The following GALNT18 variants were observed in gnomAD, a reference collection of about 807,000 sequenced individuals.
GALNT18 encodes the protein GalNAc-transferase 18.
In GALNT18, 44 loss-of-function variants were observed where a neutral mutation model predicts 69.5. That is an observed-to-expected ratio of 0.63 (90% CI 0.50 to 0.81). The LOEUF is 0.81. Among genes scored for constraint, GALNT18 ranks in the 40% least tolerant of loss-of-function variants. The pLI is 0.00. For synonymous variants in GALNT18, 364 were observed against 318.2 expected (o/e 1.14, Z -1.53); for missense variants, 715 against 810.0 (o/e 0.88, Z 1.42).
At chr11:11,298,907 G>A (rs1849445710) in intron 9 of GALNT18, among the ~76,000 whole-genome samples, 1 of 152,192 alleles carries the variant, frequency 6.6e-6, no homozygotes, top group Non-Finnish European at 1.5e-5. Flanking sequence ...CCACCAAAGA[G>A]CCTTTGCAAA....
intron 1 of GALNT18, among the ~76,000 whole-genome samples, chr11:11,569,692 G>T (rs1858740031): frequency 6.6e-6 from 1 of 152,136 alleles, no homozygotes; most frequent in Non-Finnish European, 1.5e-5. Flanking sequence ...AATGTGACAG[G>T]AATCCATCCA....
At chr11:11,438,280 A>G (rs1855455745) in intron 2 of GALNT18, among the ~76,000 whole-genome samples, 2 of 152,208 alleles carry the variant, frequency 1.3e-5, no homozygotes, top group Admixed American at 1.3e-4. Context: ...GGATGAAGGC[A>G]GTATGGAGGT....
intron 4 of GALNT18, among the ~76,000 whole-genome samples, chr11:11,378,029 G>A (rs1853816206): frequency 6.6e-6 from 1 of 152,210 alleles, no homozygotes; most frequent in Non-Finnish European, 1.5e-5. Context: ...TACATTTGGT[G>A]CATAATTGTT....
chr11:11,365,853 A>T (rs1276506753), intron 6 of GALNT18, among the ~76,000 whole-genome samples: 1 of 152,242 alleles, frequency 6.6e-6, no homozygotes, highest in Non-Finnish European at 1.5e-5. Context: ...ATTTCCCATA[A>T]GAGGAACTCT....
At chr11:11,391,581 G>A (rs984559498) in intron 3 of GALNT18, among the ~76,000 whole-genome samples, 2 of 152,220 alleles carry the variant, frequency 1.3e-5, no homozygotes, top group African/African-American at 4.8e-5. Context: ...AAAAATAAAG[G>A]AAGGCTAATG....
rs897291937 is a variant in GALNT18, at chr11:11,463,830, C to A, written c.236-14894G>T. Reference sequence around the variant, plus strand: ...TATTTATCACATGAAAGATGTGAAACCTTTATGCTGTCTCGACGCTCTGTA... The same window carrying A: ...TATTTATCACATGAAAGATGTGAAAACTTTATGCTGTCTCGACGCTCTGTA... On this transcript the variant is annotated intron_variant, in intron 1 of 10. Transcript: ENST00000227756. This position sits in a 1 kb window ranked among gnomAD's most constrained non-coding sequence, Gnocchi z 4.2. 3.9e-5 allele frequency among the ~76,000 whole-genome samples: 6 copies of A among 152,108 alleles called. No individual in the cohort carries two copies. Among genetic ancestry groups the A allele is most frequent in the African/African-American group, 1.4e-4 (6 of 41,396 alleles).
intron 10 of GALNT18, among the ~76,000 whole-genome samples, chr11:11,278,932 A>G (rs1849007247): frequency 1.3e-5 from 2 of 152,234 alleles, no homozygotes; most frequent in Admixed American, 1.3e-4. Flanking sequence ...ATTACACATT[A>G]TATGCCTGTA....
chr11:11,502,852 A>C (rs1394557154), intron 1 of GALNT18, among the ~76,000 whole-genome samples: 1 of 152,168 alleles, frequency 6.6e-6, no homozygotes, highest in Admixed American at 6.5e-5. Context: ...TCCAGTCCTT[A>C]ACGCTCTCCG....
rs56311757 is a variant in GALNT18 at position 11,387,106 on chromosome 11, C to G, written c.596-7842G>C. ...ATACGTGTGGTTCCAGCCCATAACACAAGGATGTAAATGCAGTCTGAAAAC... is the reference window on the plus strand; with the variant it reads ...ATACGTGTGGTTCCAGCCCATAACAGAAGGATGTAAATGCAGTCTGAAAAC... On this transcript the variant is annotated intron_variant, in intron 3 of 10. Transcript: ENST00000227756. The surrounding 1 kb of genome is among the most constrained non-coding windows in gnomAD (Gnocchi z 4.6). Among the ~76,000 whole-genome samples the G allele has an allele frequency of 0.086, 13,103 of 152,236 alleles. 721 individuals carry two copies. Among genetic ancestry groups the G allele is most frequent in the Admixed American group, 0.15 (2,366 of 15,290 alleles).
intron 1 of GALNT18, among the ~76,000 whole-genome samples, chr11:11,539,004 T>C (rs551473963): frequency 6.6e-6 from 1 of 152,274 alleles, no homozygotes; most frequent in East Asian, 1.9e-4. Flanking sequence ...GACCTAACTA[T>C]CTTGTTCTCT....
chr11:11,393,256 G>C (rs1854237077), intron 3 of GALNT18, among the ~76,000 whole-genome samples: 1 of 152,200 alleles, frequency 6.6e-6, no homozygotes, highest in Non-Finnish European at 1.5e-5. Flanking sequence ...TTGGTATTGA[G>C]GGAGACTCTT....
At chr11:11,392,112 T>C (rs1417722215) in intron 3 of GALNT18, among the ~76,000 whole-genome samples, 2 of 152,242 alleles carry the variant, frequency 1.3e-5, no homozygotes, top group Admixed American at 1.3e-4. Context: ...TCCCTCATTA[T>C]GCATTGAATG....
rs112493329 is a variant in GALNT18, at chr11:11,299,737, A to G, written c.1513-6544T>C. Among the ~76,000 whole-genome samples the G allele has an allele frequency of 7.7e-3, 1,166 of 152,266 alleles. 13 individuals are homozygous for G. Among genetic ancestry groups the G allele is most frequent in the African/African-American group, 0.027 (1,112 of 41,538 alleles). On this transcript the variant is annotated intron_variant, in intron 9 of 10. Transcript: ENST00000227756. ...GTTAATGGGCATTTAGGCTGGTTCC[A>G]TGTTTTTGCAATTGTGAATTGTGCT...
At chr11:11,285,848 T>C (rs1386251839) in intron 10 of GALNT18, among the ~76,000 whole-genome samples, 2 of 152,184 alleles carry the variant, frequency 1.3e-5, no homozygotes, top group Non-Finnish European at 1.5e-5. Flanking sequence ...AATAGATTCG[T>C]CTTTGCGTGC....
At chr11:11,495,377 C>T (rs901405792) in intron 1 of GALNT18, among the ~76,000 whole-genome samples, 3 of 152,126 alleles carry the variant, frequency 2.0e-5, no homozygotes, top group Non-Finnish European at 4.4e-5. Context: ...CGCAAACTTC[C>T]CCCAAAATGA....
intron 7 of GALNT18, among the ~76,000 whole-genome samples, chr11:11,333,925 G>T (rs1175450003): frequency 6.6e-6 from 1 of 152,028 alleles, no homozygotes; most frequent in Non-Finnish European, 1.5e-5. Flanking sequence ...CATCCTCTGG[G>T]GATCTGAAGA....
At position 11,309,199 on chromosome 11, in the gene GALNT18, T is replaced by C. The variant is rs1156463497; in HGVS notation, c.1513-16006A>G. Among the ~76,000 whole-genome samples the C allele has an allele frequency of 6.6e-6, 1 of 152,194 alleles. No individual in the cohort carries two copies. The highest frequency in any genetic ancestry group is 6.5e-5 in the Admixed American group (1 of 15,280). ...TTCTTTCTACACTTCCACCATGGGA[T>C]GACACCACAAGAAGGCCCTCACCGG... is the stretch of plus-strand genomic sequence containing the variant. On this transcript the variant is annotated intron_variant, in intron 9 of 10. Coordinates refer to ENST00000227756, the MANE Select transcript of GALNT18 (RefSeq NM_198516.3). This position sits in a 1 kb window ranked among gnomAD's most constrained non-coding sequence, Gnocchi z 4.6.
At chr11:11,528,676 T>C (rs1857573423) in intron 1 of GALNT18, among the ~76,000 whole-genome samples, 2 of 151,588 alleles carry the variant, frequency 1.3e-5, no homozygotes, top group Non-Finnish European at 2.9e-5. Flanking sequence ...ACCAAGGAGG[T>C]AGATGCAGGA....
chr11:11,525,057 T>C (rs2133933848), intron 1 of GALNT18, among the ~76,000 whole-genome samples: 1 of 152,102 alleles, frequency 6.6e-6, no homozygotes, highest in East Asian at 1.9e-4. Context: ...AAGGAGGGGA[T>C]TTCATGCAGA....
Sources: gnomAD v4.1 joint callset for allele counts (sites outside exome capture counted in the v4.1 genomes callset) on GRCh38, gnomAD v4.1.1 for gene constraint, Gnocchi (gnomAD v3.1) non-coding constraint, MANE v1.5 for transcripts, NCBI Gene and HGNC (gene_info 2026-07-23, HGNC 2026-07-21) for gene names.